The following RAB11FIP3 variants were observed in gnomAD, a reference collection of about 807,000 sequenced individuals.
The protein encoded by RAB11FIP3 is rab11 family-interacting protein 3.
In RAB11FIP3, 17 loss-of-function variants were observed where a neutral mutation model predicts 77.8. That is an observed-to-expected ratio of 0.22 (90% confidence interval 0.15 to 0.33). The LOEUF (loss-of-function observed/expected upper bound fraction) is 0.33, where lower values mean the gene tolerates loss of function less well. Ranked by LOEUF, RAB11FIP3 falls within the 10% of genes least tolerant of loss-of-function variation. The pLI, the probability that RAB11FIP3 is intolerant of heterozygous loss-of-function variation, is 1.00. For missense variants in RAB11FIP3, 1,005 were observed against 1,011.2 expected, an observed-to-expected ratio of 0.99 and a Z score of 0.08; for synonymous variants, 437 against 448.2, an observed-to-expected ratio of 0.98 and a Z score of 0.31.
intron 1 of RAB11FIP3, among the ~76,000 whole-genome samples, chr16:450,186 T>C (rs1023578829): frequency 4.6e-5 from 7 of 152,016 alleles, no homozygotes; most frequent in African/African-American, 1.4e-4. Flanking sequence ...TTTCTCTTTC[T>C]TGAGACAGGG....
At chr16:448,459 G>A (rs1434600120) in intron 1 of RAB11FIP3, among the ~76,000 whole-genome samples, 3 of 151,968 alleles carry the variant, frequency 2.0e-5, no homozygotes, top group Admixed American at 6.6e-5. Flanking sequence ...AAATTAGGCC[G>A]GGCGCGGTGG....
intron 9 of RAB11FIP3, among the ~76,000 whole-genome samples, chr16:518,708 GAGT>G (rs200506457): frequency 0.017 from 2,620 of 152,234 alleles, 66 homozygotes; most frequent in African/African-American, 0.06. Flanking sequence ...CCTGGTGACA[GAGT>G]GCGACTCTGC....
chr16:451,331 C>G (rs897778603), intron 1 of RAB11FIP3: 1 of 152,128 alleles, frequency 6.6e-6, no homozygotes, highest in Non-Finnish European at 1.5e-5. Flanking sequence ...TCCCCACCCC[C>G]CTGCCTCACC....
intron 1 of RAB11FIP3, among the ~76,000 whole-genome samples, chr16:459,423 G>A (rs1359974708): frequency 7.0e-6 from 1 of 142,184 alleles, no homozygotes; most frequent in Non-Finnish European, 1.5e-5. Flanking sequence ...ACCACACCCA[G>A]CTTCAAACTT....
intron 1 of RAB11FIP3, among the ~76,000 whole-genome samples, chr16:447,316 A>C (rs1410768106): frequency 6.6e-6 from 1 of 151,992 alleles, no homozygotes; most frequent in Non-Finnish European, 1.5e-5. Context: ...AAAAAGGAAA[A>C]AAGAGAGTCA....
rs894557423 is a variant in RAB11FIP3 at position 514,597 on chromosome 16, G to A, written c.1640+3797G>A. 4.6e-5 allele frequency among the ~76,000 whole-genome samples: 7 copies of A among 152,230 alleles called. No homozygotes were observed. The highest frequency in any genetic ancestry group is 2.0e-4 in the Admixed American group (3 of 15,282). On this transcript the variant is annotated intron_variant, in intron 9 of 13. Transcript: ENST00000262305. This position sits in a 1 kb window ranked among gnomAD's most constrained non-coding sequence, Gnocchi z 4.6. ...CATCCTTGTTTAGGGACCGGGAAAG[G>A]AGAATATGTGTCATCAGCAGAATGG... is the stretch of plus-strand genomic sequence containing the variant.
chr16:496,974 G>A (rs2031193254), intron 6 of RAB11FIP3, 115 bp downstream of exon 6: 1 of 1,199,592 alleles, frequency 8.3e-7, no homozygotes, highest in African/African-American at 1.5e-5. Context: ...ACTCTTGCAA[G>A]TTACTTTACA....
At chr16:480,595 G>C (rs2056020952) in intron 3 of RAB11FIP3, among the ~76,000 whole-genome samples, 1 of 152,074 alleles carries the variant, frequency 6.6e-6, no homozygotes, top group Non-Finnish European at 1.5e-5. Context: ...CACCTCCCGG[G>C]TTCAAGCGAT....
intron 1 of RAB11FIP3, among the ~76,000 whole-genome samples, chr16:434,344 G>C (rs974611128): frequency 3.3e-5 from 5 of 152,162 alleles, no homozygotes; most frequent in Admixed American, 2.0e-4. Flanking sequence ...GGCTGGTCTC[G>C]CGCTCCTGAC....
intron 6 of RAB11FIP3, chr16:502,762 A>G: frequency 1.8e-6 from 1 of 547,916 alleles, no homozygotes; most frequent in South Asian, 2.5e-5. Context: ...AGCGCCAGGA[A>G]GACTCTGAGA....
intron 6 of RAB11FIP3, among the ~76,000 whole-genome samples, chr16:498,230 G>A (rs1053223738): frequency 1.3e-5 from 2 of 152,070 alleles, no homozygotes; most frequent in African/African-American, 2.4e-5. Flanking sequence ...CTGAAGTACC[G>A]TGGTGCAATC....
At chr16:509,504 A>C (rs976030860) in intron 8 of RAB11FIP3, among the ~76,000 whole-genome samples, 7 of 152,264 alleles carry the variant, frequency 4.6e-5, no homozygotes, top group South Asian at 2.1e-4. Context: ...AGGCAGGGCC[A>C]GAGGGCGTGG....
chr16:512,539 CTTTTTTT>C (rs766027431), intron 9 of RAB11FIP3, among the ~76,000 whole-genome samples: 2 of 105,614 alleles, frequency 1.9e-5, no homozygotes, highest in East Asian at 5.3e-4. Context: ...CGCGCCCGGC[CTTTTTTT>C]TTTTTTTTTT....
At chr16:445,278 C>CA (rs36092986) in intron 1 of RAB11FIP3, among the ~76,000 whole-genome samples, 59,293 of 143,826 alleles carry the variant, frequency 0.41, 14,027 homozygotes, top group Non-Finnish European at 0.55. Flanking sequence ...ACTAAAAATA[C>CA]AAAAAAAAAA....
At chr16:457,109 TAAC>T (rs1034887127) in intron 1 of RAB11FIP3, among the ~76,000 whole-genome samples, 8 of 152,132 alleles carry the variant, frequency 5.3e-5, no homozygotes, top group African/African-American at 7.2e-5. Flanking sequence ...AGTATGATAG[TAAC>T]AACAAGATGC....
chr16:437,543 C>G (rs1439385630), intron 1 of RAB11FIP3, among the ~76,000 whole-genome samples: 2 of 133,368 alleles, frequency 1.5e-5, no homozygotes, highest in African/African-American at 5.6e-5. Flanking sequence ...GCGCTCCAGC[C>G]TGGACAACAA....
At chr16:458,434 G>A (rs1033525872) in intron 1 of RAB11FIP3, among the ~76,000 whole-genome samples, 4 of 150,698 alleles carry the variant, frequency 2.7e-5, no homozygotes, top group Non-Finnish European at 5.9e-5. Context: ...CACAGGGCCT[G>A]GGGGGCCTTC....
At chr16:446,240 G>C (rs1156682924) in intron 1 of RAB11FIP3, among the ~76,000 whole-genome samples, 1 of 152,114 alleles carries the variant, frequency 6.6e-6, no homozygotes, top group Non-Finnish European at 1.5e-5. Context: ...GGGCAGCATA[G>C]TGAAACCCCG....
Position 467,592 on chromosome 16 carries a change from CTCAGGGAGGAGGTGCTGGGGCG to C in RAB11FIP3, c.809-3681_809-3660del, listed in dbSNP as rs1567373812. Reference sequence around the variant, plus strand: ...GACGTCAGGGAGGAGGTGCTGGGGCCTCAGGGAGGAGGTGCTGGGGCGTCAGGGAGGAGGTGCTGGGGCCTCA... The same window carrying C: ...GACGTCAGGGAGGAGGTGCTGGGGCCTCAGGGAGGAGGTGCTGGGGCCTCA... On this transcript the variant is annotated intron_variant, in intron 2 of 13. Coordinates refer to ENST00000262305, the MANE Select transcript of RAB11FIP3 (RefSeq NM_014700.4). Among the ~76,000 whole-genome samples, 7 of 26,266 alleles carry C rather than the reference CTCAGGGAGGAGGTGCTGGGGCG, an allele frequency of 2.7e-4. 1 individual carries two copies. Among genetic ancestry groups the C allele is most frequent in the South Asian group, 2.2e-3 (2 of 906 alleles). 17.2% of individuals were successfully genotyped at this position (26,266 alleles called of 152,430 possible).
Sources: allele counts gnomAD v4.1 joint callset (sites outside exome capture counted in the v4.1 genomes callset), GRCh38; gene constraint gnomAD v4.1.1; non-coding constraint Gnocchi (gnomAD v3.1); transcripts MANE v1.5; gene names NCBI Gene and HGNC (gene_info 2026-07-23, HGNC 2026-07-21).